Variants in TTC23L observed in about 807,000 individuals in gnomAD.
The protein encoded by TTC23L is tetratricopeptide repeat protein 23-like.
In TTC23L, 42 loss-of-function variants were observed where a neutral mutation model predicts 48.1. The ratio of observed to expected loss-of-function variants is 0.87; its 90% CI spans 0.68 to 1.13. The LOEUF is 1.13. TTC23L is among the 50% of genes most tolerant of loss of function. TTC23L has a pLI of 0.00. For missense variants in TTC23L, 391 were observed against 421.0 expected (o/e 0.93, Z 0.62); for synonymous variants, 159 against 157.2 (o/e 1.01, Z -0.09).
chr5:34,864,907 C>G (rs1760943477), intron 6 of TTC23L, among the ~76,000 whole-genome samples: 1 of 152,210 alleles, frequency 6.6e-6, no homozygotes, highest in Non-Finnish European at 1.5e-5. Flanking sequence ...GCCTCTCACA[C>G]TCACTCTAAT....
rs1241792091 is a variant in TTC23L, at chr5:34,840,722, G to A, written c.51G>A (p.Trp17Ter). 4.3e-6 allele frequency: 7 copies of A among 1,613,704 alleles called. No individual in the cohort carries two copies. The highest frequency in any genetic ancestry group is 1.7e-6 in the Non-Finnish European group (2 of 1,179,850). Residue 17 changes from tryptophan (W) to a stop codon, truncating the protein, a stop_gained, in exon 2 of 11, where the codon TGG becomes TGA. Transcript: ENST00000505624. LOFTEE classifies it high-confidence loss of function. ...CAACTGTTAGCAATGACATCGACTGGGATTTCTGCTTCCATATGTAAGTAT... is the reference window on the plus strand; with the variant it reads ...CAACTGTTAGCAATGACATCGACTGAGATTTCTGCTTCCATATGTAAGTAT...
chr5:34,861,855 C>T (rs146437122), intron 4 of TTC23L, among the ~76,000 whole-genome samples: 11 of 152,212 alleles, frequency 7.2e-5, no homozygotes, highest in African/African-American at 2.6e-4. Context: ...TGAAAGTGAA[C>T]CCTACCTGTT....
intron 8 of TTC23L, among the ~76,000 whole-genome samples, 165 bp from the exon 9 acceptor site, chr5:34,880,016 A>G (rs1447464695): frequency 1.3e-5 from 2 of 151,952 alleles, no homozygotes; most frequent in Non-Finnish European, 2.9e-5. Context: ...GAAAACAACA[A>G]CAGCAAAAAA....
chr5:34,853,485 G>A (rs930359440), intron 4 of TTC23L, among the ~76,000 whole-genome samples: 3 of 152,190 alleles, frequency 2.0e-5, no homozygotes, highest in East Asian at 1.9e-4. Context: ...AGCTGAGATC[G>A]CACCACTGCA....
chr5:34,866,928 G>A, exon 7 of TTC23L: 2 of 1,608,470 alleles, frequency 1.2e-6, no homozygotes, highest in South Asian at 1.1e-5. Context: ...ACCTAGCTCT[G>A]GCATACTTTG....
the TTC23L span, chr5:34,923,292 G>A: frequency 7.4e-7 from 1 of 1,349,046 alleles, no homozygotes; most frequent in Non-Finnish European, 1.1e-6. Flanking sequence ...ATTTATTTAT[G>A]TTTTGAGACA....
At chr5:34,900,628 C>A (rs1467355767), downstream of TTC23L, among the ~76,000 whole-genome samples, 2 of 152,222 alleles carry the variant, frequency 1.3e-5, no homozygotes, top group Non-Finnish European at 2.9e-5. Context: ...CAGCCACAGA[C>A]CTCAATCTTT....
the TTC23L span, chr5:34,922,819 T>TGTTTTTAGTAGATATA: frequency 1.3e-6 from 2 of 1,506,816 alleles, no homozygotes; most frequent in Non-Finnish European, 1.8e-6. Flanking sequence ...CTGGCATGGT[T>TGTTTTTAGTAGATATA]GTTTTTAGTA....
At chr5:34,841,402 T>C (rs1393164840) in intron 2 of TTC23L, among the ~76,000 whole-genome samples, 1 of 152,206 alleles carries the variant, frequency 6.6e-6, no homozygotes, top group Non-Finnish European at 1.5e-5. Flanking sequence ...GTTACTGTTA[T>C]TGGTACATTT....
intron 8 of TTC23L, among the ~76,000 whole-genome samples, chr5:34,874,526 C>T (rs2111565114): frequency 6.6e-6 from 1 of 151,970 alleles, no homozygotes; most frequent in Non-Finnish European, 1.5e-5. Context: ...AACTGATATG[C>T]TAAAAAGAGA....
rs558706542 is a variant in TTC23L, at chr5:34,873,241, CAG to C, written c.949+4230_949+4231del. 5.3e-5 allele frequency among the ~76,000 whole-genome samples: 8 copies of C among 152,238 alleles called. No individual in the cohort carries two copies. The East Asian group carries it at 1.2e-3, about 22-fold the overall frequency. On this transcript the variant is annotated intron_variant, in intron 8 of 10. Transcript: ENST00000505624. ...AAGTAAGATTTCATTAAAATGTAAA[CAG>C]AATATGACTTTGTGAAGAGATCTGT...
chr5:34,923,098 T>C, the TTC23L span: 5 of 1,584,486 alleles, frequency 3.2e-6, no homozygotes, highest in East Asian at 9.0e-5. Flanking sequence ...TGATATATCT[T>C]GGAATAAGGA....
the TTC23L span, among the ~76,000 whole-genome samples, chr5:34,910,528 A>G: frequency 6.6e-6 from 1 of 152,044 alleles, no homozygotes; most frequent in Non-Finnish European, 1.5e-5. Flanking sequence ...CCTGGGTTCA[A>G]GTGATTCTCC....
the TTC23L span, chr5:34,915,457 A>G: frequency 2.8e-6 from 1 of 352,718 alleles, no homozygotes; most frequent in Non-Finnish European, 5.2e-6. Flanking sequence ...CTTCTCAGCA[A>G]AGTCCCTGAA....
the TTC23L span, chr5:34,915,934 C>G: frequency 1.3e-6 from 2 of 1,498,316 alleles, no homozygotes; most frequent in Non-Finnish European, 1.8e-6. Flanking sequence ...CCTGCGGCGG[C>G]GGCTCTGTGC....
chr5:34,921,067 G>C, the TTC23L span: 1 of 152,024 alleles, frequency 6.6e-6, no homozygotes, highest in Non-Finnish European at 1.5e-5. Context: ...AGCTTTGCCA[G>C]GTTGCTCAGA....
chr5:34,883,521 G>A (rs1762371410), intron 9 of TTC23L: 1 of 170,244 alleles, frequency 5.9e-6, no homozygotes, highest in Admixed American at 5.7e-5. Context: ...CCTGTTCCCT[G>A]AATAGCTAGA....
At chr5:34,856,597 T>C (rs939491331) in intron 4 of TTC23L, among the ~76,000 whole-genome samples, 1 of 152,130 alleles carries the variant, frequency 6.6e-6, no homozygotes, top group Non-Finnish European at 1.5e-5. Context: ...GTTGAAGTAA[T>C]AGGAGTTGAT....
the TTC23L span, among the ~76,000 whole-genome samples, chr5:34,911,357 A>C: frequency 6.6e-6 from 1 of 152,222 alleles, no homozygotes; most frequent in Non-Finnish European, 1.5e-5. Flanking sequence ...ACCACCACCT[A>C]AATATGAAAT....
Sources: allele counts gnomAD v4.1 joint callset (sites outside exome capture counted in the v4.1 genomes callset), GRCh38; gene constraint gnomAD v4.1.1; transcripts MANE v1.5; gene names NCBI Gene and HGNC (gene_info 2026-07-23, HGNC 2026-07-21).